The following MYO9A variants were observed in gnomAD, a reference collection of about 807,000 sequenced individuals.
MYO9A encodes the protein myosin IXA.
A neutral mutation model predicts 293.3 loss-of-function variants in MYO9A; 103 were observed. The observed-to-expected ratio is 0.35, with a 90% CI of 0.30 to 0.41. The LOEUF is 0.41. MYO9A is among the 10% of genes least tolerant of loss of function. The pLI is 1.00. For missense variants in MYO9A, 2,685 were observed against 3,033.0 expected (o/e 0.89, Z 2.69); for synonymous variants, 1,001 against 1,035.7 (o/e 0.97, Z 0.64).
At chr15:72,023,162 T>C (rs187175982) in intron 4 of MYO9A, among the ~76,000 whole-genome samples, 211 of 152,180 alleles carry the variant, frequency 1.4e-3, no homozygotes, top group African/African-American at 4.5e-3. Flanking sequence ...TGAAAAAGTA[T>C]CCAGAGGAGC....
intron 21 of MYO9A, among the ~76,000 whole-genome samples, chr15:71,903,467 G>A (rs2057542293): frequency 6.6e-6 from 1 of 152,198 alleles, no homozygotes; most frequent in Admixed American, 6.5e-5. Context: ...TTGCTCAGTT[G>A]CTGAACAGCT....
intron 39 of MYO9A, among the ~76,000 whole-genome samples, chr15:71,841,585 T>C (rs112908757): frequency 0.032 from 4,901 of 152,182 alleles, 187 homozygotes; most frequent in African/African-American, 0.088. Flanking sequence ...TATATTTTTA[T>C]ATTTATAGGC....
At chr15:71,866,437 G>A (rs1298882584) in intron 32 of MYO9A, among the ~76,000 whole-genome samples, 3 of 152,046 alleles carry the variant, frequency 2.0e-5, no homozygotes, top group Non-Finnish European at 2.9e-5. Flanking sequence ...GGGTAAGGTG[G>A]GAGGATCACT....
intron 26 of MYO9A, chr15:71,891,552 A>G (rs1253816605): frequency 6.6e-6 from 1 of 152,224 alleles, no homozygotes; most frequent in Admixed American, 6.5e-5. Flanking sequence ...ATAACACAGT[A>G]TATTTCCTTA....
In MYO9A at chr15:71,935,175, T is replaced by C. The variant is rs28547469; in HGVS notation, c.2522+166A>G. On this transcript the variant is annotated intron_variant, in intron 17 of 41. Coordinates refer to ENST00000356056, the MANE Select transcript of MYO9A (RefSeq NM_006901.4). ...CAAGCTTTATAACACATGAGATTCA[T>C]GGCTGTAAACGCTACCTAAATAACT... 9.1e-3 allele frequency: 6,167 copies of C among 674,530 alleles called. 65 individuals carry two copies. Among genetic ancestry groups the C allele is most frequent in the African/African-American group, 0.021 (1,139 of 55,332 alleles). 41.8% of individuals were successfully genotyped at this position (674,530 alleles called of 1,614,324 possible). A position where few individuals can be genotyped will look rare whatever the true frequency, so the allele number is the denominator to read the frequency against.
intron 18 of MYO9A, among the ~76,000 whole-genome samples, chr15:71,919,630 C>A (rs1354656228): frequency 1.3e-5 from 2 of 151,886 alleles, no homozygotes; most frequent in African/African-American, 4.8e-5. Context: ...CACCAGAGGT[C>A]AGGAGTTCGA....
chr15:71,925,649 C>T (rs2058291564), intron 18 of MYO9A, among the ~76,000 whole-genome samples: 1 of 151,364 alleles, frequency 6.6e-6, no homozygotes, highest in Non-Finnish European at 1.5e-5. Context: ...ACTTTGCATA[C>T]AAATACGCTA....
intron 41 of MYO9A, 133 bp downstream of exon 41, chr15:71,827,751 C>T (rs1051553645): frequency 9.5e-7 from 1 of 1,055,796 alleles, no homozygotes; most frequent in Non-Finnish European, 1.3e-6. Flanking sequence ...GATAAAAGGA[C>T]AAAATTCCTC....
chr15:72,040,698 G>A (rs1203445855), intron 2 of MYO9A, among the ~76,000 whole-genome samples: 3 of 151,822 alleles, frequency 2.0e-5, no homozygotes, highest in South Asian at 2.1e-4. Context: ...CGAAGAACCC[G>A]GTATTTTCTA....
chr15:72,021,452 A>G (rs946496754), intron 4 of MYO9A, among the ~76,000 whole-genome samples: 14 of 152,188 alleles, frequency 9.2e-5, no homozygotes, highest in African/African-American at 3.1e-4. Flanking sequence ...ACAGCCTGCA[A>G]ACTTGGAGAT....
intron 2 of MYO9A, among the ~76,000 whole-genome samples, chr15:72,033,893 G>C (rs893639651): frequency 1.3e-5 from 2 of 152,128 alleles, no homozygotes; most frequent in Admixed American, 1.3e-4. Flanking sequence ...AACTAGAAAA[G>C]ACACAGAGAT....
intron 36 of MYO9A, 33 bp downstream of exon 36, chr15:71,852,099 G>C: frequency 6.3e-7 from 1 of 1,584,278 alleles, no homozygotes; most frequent in South Asian, 1.2e-5. Context: ...CCAACTATAG[G>C]CCTTCTCTCT....
chr15:71,913,979 A>T (rs1339492057), intron 19 of MYO9A, among the ~76,000 whole-genome samples: 6 of 152,208 alleles, frequency 3.9e-5, no homozygotes, highest in Non-Finnish European at 8.8e-5. Context: ...TTAGGTGATT[A>T]GAATAATCAT....
intron 11 of MYO9A, among the ~76,000 whole-genome samples, chr15:71,981,437 T>C (rs1176884588): frequency 6.6e-6 from 1 of 152,248 alleles, no homozygotes; most frequent in Admixed American, 6.5e-5. Flanking sequence ...GGTTTTAAAT[T>C]ACATATTCAA....
chr15:72,049,325 T>C (rs1323359783), intron 1 of MYO9A, among the ~76,000 whole-genome samples: 1 of 152,232 alleles, frequency 6.6e-6, no homozygotes, highest in Non-Finnish European at 1.5e-5. Flanking sequence ...TAGCTGGAGA[T>C]TCTGCTCTGC....
chr15:72,002,393 G>A lies in MYO9A; in HGVS notation c.1381-2453C>T, dbSNP rs576726611. ...CTCCCGAGTAGCTGGGATTAGAGAC[G>A]GGGTTTCATCATGTTGCCCAGGCGG... On this transcript the variant is annotated intron_variant, in intron 8 of 41. Coordinates refer to ENST00000356056, the MANE Select transcript of MYO9A (RefSeq NM_006901.4). Among the ~76,000 whole-genome samples the A allele has an allele frequency of 7.2e-5, 11 of 152,062 alleles. No individual in the cohort carries two copies. In the East Asian group the frequency reaches 7.7e-4, roughly 11 times the overall value.
chr15:72,066,504 G>C (rs1298869590), intron 1 of MYO9A, among the ~76,000 whole-genome samples: 1 of 147,228 alleles, frequency 6.8e-6, no homozygotes, highest in East Asian at 2.0e-4. Flanking sequence ...AAAAAAGAAA[G>C]AAAGAAAGAA....
At chr15:71,998,565 C>CTTTTTTTTTTTTTTTTTTTCT (rs11443228) in intron 9 of MYO9A, among the ~76,000 whole-genome samples, 1 of 140,088 alleles carries the variant, frequency 7.1e-6, no homozygotes, top group Non-Finnish European at 1.5e-5. Flanking sequence ...TTTTTTTTGT[C>CTTTTTTTTTTTTTTTTTTTCT]TTTTTTTTTC....
intron 25 of MYO9A, among the ~76,000 whole-genome samples, chr15:71,894,241 ATC>A (rs752043173): frequency 6.6e-6 from 1 of 152,126 alleles, no homozygotes; most frequent in Non-Finnish European, 1.5e-5. Flanking sequence ...TCCTTCTGAA[ATC>A]TCTCTTTGTA....
Sources: gnomAD v4.1 joint callset for allele counts (sites outside exome capture counted in the v4.1 genomes callset) on GRCh38, gnomAD v4.1.1 for gene constraint, MANE v1.5 for transcripts, NCBI Gene and HGNC (gene_info 2026-07-23, HGNC 2026-07-21) for gene names.